The following CHRM3 variants were observed in gnomAD, a reference collection of about 807,000 sequenced individuals.
CHRM3 encodes muscarinic acetylcholine receptor M3.
CHRM3 carries 11 observed loss-of-function variants against 41.8 expected under a neutral mutation model. The ratio of observed to expected loss-of-function variants is 0.26; its 90% CI spans 0.17 to 0.44. The LOEUF is 0.44. Ranked by LOEUF, CHRM3 falls within the 20% of genes least tolerant of loss-of-function variation. The pLI is 1.00. For missense variants in CHRM3, 571 were observed against 745.4 expected (o/e 0.77, Z 2.72); for synonymous variants, 297 against 301.4 (o/e 0.99, Z 0.15).
chr1:239,853,781 AAGG>A (rs1419114233), intron 6 of CHRM3, among the ~76,000 whole-genome samples: 1 of 152,104 alleles, frequency 6.6e-6, no homozygotes, highest in Non-Finnish European at 1.5e-5. Flanking sequence ...ATTAAGTTAA[AAGG>A]AGAAGGGATA....
chr1:239,480,576 AGACGGAG>A (rs1666779650), intron 1 of CHRM3, among the ~76,000 whole-genome samples: 1 of 84,354 alleles, frequency 1.2e-5, no homozygotes, highest in African/African-American at 5.1e-5. Flanking sequence ...TTTTTTGTTG[AGACGGAG>A]TCTAGCTCTG....
At chr1:239,693,749 C>T (rs772691555) in intron 5 of CHRM3, among the ~76,000 whole-genome samples, 3 of 152,156 alleles carry the variant, frequency 2.0e-5, no homozygotes, top group Non-Finnish European at 4.4e-5. Flanking sequence ...CATAGTTTGA[C>T]CGTGTCTTAT....
At chr1:239,672,221 G>T (rs751684113) in intron 4 of CHRM3, among the ~76,000 whole-genome samples, 1 of 152,094 alleles carries the variant, frequency 6.6e-6, no homozygotes, top group African/African-American at 2.4e-5. Flanking sequence ...CAATGAGGAC[G>T]GGATGCCATC....
chr1:239,829,001 A>G (rs1445384397), intron 6 of CHRM3, among the ~76,000 whole-genome samples: 3 of 152,170 alleles, frequency 2.0e-5, no homozygotes, highest in East Asian at 1.9e-4. Context: ...ATCTGTGACT[A>G]TATGTGACCT....
intron 6 of CHRM3, among the ~76,000 whole-genome samples, chr1:239,856,280 G>A (rs1211525943): frequency 6.6e-6 from 1 of 152,134 alleles, no homozygotes; most frequent in Non-Finnish European, 1.5e-5. Flanking sequence ...ATGTTGAATT[G>A]TGATCCTGAG....
intron 5 of CHRM3, among the ~76,000 whole-genome samples, chr1:239,684,806 AAG>A (rs1658975217): frequency 8.9e-6 from 1 of 112,810 alleles, no homozygotes; most frequent in Admixed American, 9.0e-5. Context: ...AGGAAAAGAA[AAG>A]AGAGGATGGC....
chr1:239,544,931 T>C (rs1481717736), intron 2 of CHRM3, among the ~76,000 whole-genome samples: 3 of 152,216 alleles, frequency 2.0e-5, no homozygotes, highest in Non-Finnish European at 2.9e-5. Context: ...GCACGTTCTA[T>C]AGAGGGCAGA....
intron 6 of CHRM3, among the ~76,000 whole-genome samples, chr1:239,894,267 A>T (rs1355902387): frequency 6.6e-6 from 1 of 152,230 alleles, no homozygotes; most frequent in Non-Finnish European, 1.5e-5. Context: ...GTAAAATAAA[A>T]ACGTATATAT....
At position 239,899,984 on chromosome 1, in the gene CHRM3, T is replaced by C. The variant is rs532864923; in HGVS notation, c.-19-7449T>C. The stretch of plus-strand genomic sequence containing the variant: ...TAGAACTCTTGCCTGGGATTACTTA[T>C]AAAGTGCGAAGGTCACTGGGCTGAC... On this transcript the variant is annotated intron_variant, in intron 6 of 6. Coordinates refer to ENST00000676153, the MANE Select transcript of CHRM3 (RefSeq NM_001375978.1). The C allele has an allele frequency of 2.0e-5, 3 of 152,334 alleles. No individual in the cohort carries two copies. In the East Asian group the frequency reaches 5.8e-4, roughly 29 times the overall value. The allele number at this position is 152,334 out of a possible 1,614,324, so 9.4% of individuals were successfully genotyped here.
At chr1:239,623,263 T>G (rs34918546) in intron 3 of CHRM3, among the ~76,000 whole-genome samples, 9,356 of 97,064 alleles carry the variant, frequency 0.096, 444 homozygotes, top group Middle Eastern at 0.23. Flanking sequence ...CCCTCCCCCC[T>G]CCCCCAACCC....
At chr1:239,765,470 C>A (rs1408478958) in intron 5 of CHRM3, among the ~76,000 whole-genome samples, 1 of 152,210 alleles carries the variant, frequency 6.6e-6, no homozygotes, top group African/African-American at 2.4e-5. Flanking sequence ...GACAAGAAAC[C>A]TATGCAGACT....
At chr1:239,688,570 A>T (rs1038342730) in intron 5 of CHRM3, among the ~76,000 whole-genome samples, 3 of 135,870 alleles carry the variant, frequency 2.2e-5, no homozygotes, top group Admixed American at 1.6e-4. Context: ...ATATTATATG[A>T]TATTATATAT....
chr1:239,891,249 A>G (rs1177479099), intron 6 of CHRM3, among the ~76,000 whole-genome samples: 1 of 152,150 alleles, frequency 6.6e-6, no homozygotes, highest in Non-Finnish European at 1.5e-5. Flanking sequence ...GAGGAGGTGC[A>G]ATTCAATGGG....
chr1:239,517,316 T>G (rs1669338218), intron 2 of CHRM3, among the ~76,000 whole-genome samples: 1 of 152,214 alleles, frequency 6.6e-6, no homozygotes, highest in African/African-American at 2.4e-5. Flanking sequence ...GATTATTTAT[T>G]TCCCTCAATT....
At chr1:239,451,978 T>G (rs1422924449) in intron 1 of CHRM3, among the ~76,000 whole-genome samples, 2 of 152,188 alleles carry the variant, frequency 1.3e-5, no homozygotes, top group Non-Finnish European at 2.9e-5. Context: ...TCTATATTTA[T>G]TCTTACATTA....
intron 5 of CHRM3, among the ~76,000 whole-genome samples, chr1:239,710,701 T>C (rs909703351): frequency 6.6e-6 from 1 of 152,196 alleles, no homozygotes; most frequent in Non-Finnish European, 1.5e-5. Flanking sequence ...AGTAAATTAA[T>C]ATTTTTTTCT....
chr1:239,823,308 A>G (rs1262684180), intron 5 of CHRM3, among the ~76,000 whole-genome samples: 1 of 152,156 alleles, frequency 6.6e-6, no homozygotes, highest in East Asian at 1.9e-4. Context: ...ATAGCCTCAT[A>G]GAATCATAGA....
At chr1:239,725,680 C>G (rs1008001253) in intron 5 of CHRM3, among the ~76,000 whole-genome samples, 1 of 151,876 alleles carries the variant, frequency 6.6e-6, no homozygotes, top group African/African-American at 2.4e-5. Flanking sequence ...GATTGTTTAA[C>G]CAACAGTAAT....
intron 2 of CHRM3, among the ~76,000 whole-genome samples, chr1:239,529,193 C>T (rs1434333026): frequency 6.6e-6 from 1 of 152,178 alleles, no homozygotes; most frequent in Non-Finnish European, 1.5e-5. Context: ...TGATACATCA[C>T]ACCATAGCAC....
Sources: allele counts gnomAD v4.1 joint callset (sites outside exome capture counted in the v4.1 genomes callset), GRCh38; gene constraint gnomAD v4.1.1; transcripts MANE v1.5; gene names NCBI Gene and HGNC (gene_info 2026-07-23, HGNC 2026-07-21).